The following NVL variants were observed in gnomAD, a reference collection of about 807,000 sequenced individuals.
NVL encodes nuclear valosin-containing protein-like.
In NVL, 84 loss-of-function variants were observed where a neutral mutation model predicts 110.2. That is an observed-to-expected ratio of 0.76 (90% CI 0.64 to 0.91). The LOEUF (loss-of-function observed/expected upper bound fraction) is 0.91, where lower values mean the gene tolerates loss of function less well. Ranked by LOEUF, NVL falls within the 40% of genes least tolerant of loss-of-function variation. NVL has a pLI of 0.00. For missense variants in NVL, 882 were observed against 1,035.9 expected, an observed-to-expected ratio of 0.85 and a Z score of 2.04; for synonymous variants, 354 against 361.1, an observed-to-expected ratio of 0.98 and a Z score of 0.22.
chr1:224,288,724 T>TTTA (rs1403219139), intron 13 of NVL, among the ~76,000 whole-genome samples: 5 of 152,174 alleles, frequency 3.3e-5, no homozygotes, highest in African/African-American at 1.2e-4. Flanking sequence ...TTAAGCTTAG[T>TTTA]GCCTTTGATT....
chr1:224,256,422 C>CT (rs1663243943), intron 18 of NVL, among the ~76,000 whole-genome samples: 1 of 17,558 alleles, frequency 5.7e-5, no homozygotes, highest in East Asian at 1.1e-3. Context: ...GAGGCTCCAT[C>CT]TAAAAAAAAA....
rs747016757 is a variant in NVL, at chr1:224,233,195, T to C, written c.2455+6A>G. The C allele has an allele frequency of 6.2e-6, 10 of 1,608,110 alleles. No homozygotes were observed. Among genetic ancestry groups the C allele is most frequent in the Non-Finnish European group, 8.5e-6 (10 of 1,177,220 alleles). ...TAGAATTGAGAGATTCTGGAGAGAA[T>C]TGTACCTTTTTCATTTCCACTCTTC... On this transcript the variant is annotated splice_donor_region_variant and intron_variant, in intron 21 of 22. Transcript: ENST00000281701.
intron 17 of NVL, 76 bp from the exon 18 acceptor site, chr1:224,268,209 A>G: frequency 9.8e-7 from 1 of 1,024,862 alleles, no homozygotes; most frequent in Non-Finnish European, 1.5e-6. Context: ...CATAAAAATA[A>G]TACATTTCCC....
chr1:224,231,104 G>C (rs1193988427), intron 22 of NVL, 122 bp downstream of exon 22: 13 of 649,942 alleles, frequency 2.0e-5, no homozygotes, highest in Non-Finnish European at 1.1e-5. Flanking sequence ...CTGCACTCCA[G>C]CATGGACGAC....
intron 18 of NVL, among the ~76,000 whole-genome samples, chr1:224,262,364 T>A (rs994196387): frequency 6.6e-6 from 1 of 152,112 alleles, no homozygotes; most frequent in Non-Finnish European, 1.5e-5. Flanking sequence ...ATAAAAGAAC[T>A]ATGGGGGATG....
At chr1:224,285,878 T>A (rs1666808932) in intron 15 of NVL, 148 bp downstream of exon 15, 1 of 576,456 alleles carries the variant, frequency 1.7e-6, no homozygotes, top group South Asian at 2.5e-5. Flanking sequence ...TAGGAAACTT[T>A]AATGAAGAAA....
intron 2 of NVL, among the ~76,000 whole-genome samples, chr1:224,318,210 G>A (rs552593716): frequency 5.3e-5 from 8 of 151,968 alleles, no homozygotes; most frequent in East Asian, 1.9e-4. Context: ...ATCAACACTC[G>A]TATATTCTTT....
At chr1:224,254,629 G>A (rs1410922825) in intron 18 of NVL, among the ~76,000 whole-genome samples, 3 of 144,032 alleles carry the variant, frequency 2.1e-5, no homozygotes, top group Non-Finnish European at 4.5e-5. Context: ...TGGTCAGGCT[G>A]GTCTCGAACT....
chr1:224,241,298 AAG>A (rs1164477362), intron 19 of NVL, among the ~76,000 whole-genome samples: 1 of 152,246 alleles, frequency 6.6e-6, no homozygotes, highest in African/African-American at 2.4e-5. Flanking sequence ...AGTGAGAGCA[AAG>A]AGAAAAATTT....
At chr1:224,258,777 C>T (rs1663586830) in intron 18 of NVL, among the ~76,000 whole-genome samples, 1 of 151,580 alleles carries the variant, frequency 6.6e-6, no homozygotes, top group Non-Finnish European at 1.5e-5. Context: ...GCTAAAGAAG[C>T]CAGATTTAAG....
At chr1:224,325,788 A>C (rs569338445) in intron 2 of NVL, among the ~76,000 whole-genome samples, 1 of 152,192 alleles carries the variant, frequency 6.6e-6, no homozygotes, top group Non-Finnish European at 1.5e-5. Flanking sequence ...TGATGGTTTT[A>C]ATTTTCTTTC....
intron 18 of NVL, among the ~76,000 whole-genome samples, chr1:224,254,572 G>GTTTTTTTTTTTTT (rs71168400): frequency 2.2e-5 from 3 of 134,246 alleles, no homozygotes; most frequent in African/African-American, 2.7e-5. Flanking sequence ...TGTTTTTTTT[G>GTTTTTTTTTTTTT]TTTTTTTTTT....
At position 224,302,209 on chromosome 1, in the gene NVL, C is replaced by CT. The variant is rs553239807; in HGVS notation, c.960+1513dup. 7.4e-4 allele frequency among the ~76,000 whole-genome samples: 109 copies of CT among 148,198 alleles called. 4 individuals are homozygous for CT. In the South Asian group the frequency reaches 0.021, roughly 28 times the overall value. Reference sequence around the variant, plus strand: ...GTATAACATGCTATTTTTCTTTTTTCTTTTTTTTTTGAGATAGAGTCTGGC... The same window carrying CT: ...GTATAACATGCTATTTTTCTTTTTTCTTTTTTTTTTTGAGATAGAGTCTGGC... On this transcript the variant is annotated intron_variant, in intron 9 of 22. Transcript: ENST00000281701.
Position 224,318,005 on chromosome 1 carries a change from TCAAATAAATTTTCA to T in NVL, c.132-89_132-76del, listed in dbSNP as rs1572059051. On this transcript the variant is annotated intron_variant, in intron 2 of 22. Coordinates refer to ENST00000281701, the MANE Select transcript of NVL (RefSeq NM_002533.4). Reference sequence around the variant, plus strand: ...TTCCATTAAGTTCAATCTAAATGGATCAAATAAATTTTCATGAATATTTCATTGTTACAGTATAG... The same window carrying T: ...TTCCATTAAGTTCAATCTAAATGGATTGAATATTTCATTGTTACAGTATAG... 28 of 1,007,756 alleles carry T rather than the reference TCAAATAAATTTTCA, an allele frequency of 2.8e-5. No homozygotes were observed. The East Asian group carries it at 6.5e-4, about 23-fold the overall frequency. 62.4% of individuals were successfully genotyped at this position (1,007,756 alleles called of 1,614,324 possible).
At chr1:224,279,980 T>A (rs1213639486) in intron 16 of NVL, among the ~76,000 whole-genome samples, 2 of 152,066 alleles carry the variant, frequency 1.3e-5, no homozygotes, top group Admixed American at 6.6e-5. Context: ...CCACTGTGCC[T>A]GGCCTTATAC....
chr1:224,286,644 T>C (rs1348303169), intron 14 of NVL, among the ~76,000 whole-genome samples: 3 of 152,224 alleles, frequency 2.0e-5, no homozygotes, highest in Non-Finnish European at 4.4e-5. Context: ...TCTAAGAACA[T>C]TTTAGACATA....
In NVL at chr1:224,286,035, CAG is replaced by C. The variant is rs767696974; in HGVS notation, c.1888_1889del (p.Leu630AlafsTer8). 3 of 1,613,354 alleles carry C rather than the reference CAG, an allele frequency of 1.9e-6. No homozygotes were observed. The South Asian group carries it at 3.3e-5, about 18-fold the overall frequency. On this transcript the variant is annotated frameshift_variant, in exon 15 of 23. Transcript: ENST00000281701. LOFTEE classifies it high-confidence loss of function. The stretch of plus-strand genomic sequence containing the variant: ...TGAACTTATATGATACCTTCGCCAG[CAG>C]AGTCTTCCCACAGCCAGGAGGACCA... Reference protein sequence around the residue: ...LAGPPGCGKTLLAKAVANESG... With the variant: ...LAGPPGCGKTXLAKAVANESG...
At chr1:224,328,083 T>C (rs986222312) in intron 1 of NVL, among the ~76,000 whole-genome samples, 2 of 152,156 alleles carry the variant, frequency 1.3e-5, no homozygotes, top group African/African-American at 4.8e-5. Flanking sequence ...CCCTTTTTTT[T>C]AGTTATACTT....
chr1:224,303,252 G>A (rs962466926), intron 9 of NVL, among the ~76,000 whole-genome samples: 30 of 152,068 alleles, frequency 2.0e-4, no homozygotes, highest in Non-Finnish European at 2.4e-4. Context: ...CTGGGCAAGA[G>A]GGTGAAACCC....
Sources: gnomAD v4.1 joint callset for allele counts (sites outside exome capture counted in the v4.1 genomes callset) on GRCh38, gnomAD v4.1.1 for gene constraint, MANE v1.5 for transcripts, NCBI Gene and HGNC (gene_info 2026-07-23, HGNC 2026-07-21) for gene names.